The following ANXA7 variants were observed in gnomAD, a reference collection of about 807,000 sequenced individuals.
The protein encoded by ANXA7 is annexin A7.
In ANXA7, 55 loss-of-function variants were observed where a neutral mutation model predicts 64.9. The ratio of observed to expected loss-of-function variants is 0.85; its 90% CI spans 0.68 to 1.06. The LOEUF (loss-of-function observed/expected upper bound fraction) is 1.06. Among genes scored for constraint, ANXA7 ranks in the 50% least tolerant of loss-of-function variants. ANXA7 has a pLI of 0.00. For missense variants in ANXA7, 548 were observed against 582.1 expected, an observed-to-expected ratio of 0.94 and a Z score of 0.60; for synonymous variants, 200 against 192.4, an observed-to-expected ratio of 1.04 and a Z score of -0.33.
At chr10:73,398,066 T>C (rs2055603590) in intron 3 of ANXA7, 115 bp downstream of exon 3, 3 of 1,039,422 alleles carry the variant, frequency 2.9e-6, no homozygotes, top group Non-Finnish European at 4.1e-6. Flanking sequence ...TACCTAAGGT[T>C]ACCTAAGAGC....
At chr10:73,383,373 A>C (rs766317546) in intron 8 of ANXA7, 28 bp from the exon 9 acceptor site, 1 of 1,571,930 alleles carries the variant, frequency 6.4e-7, no homozygotes, top group Non-Finnish European at 8.6e-7. Context: ...AAGATTATAC[A>C]AAGAAAAATG....
chr10:73,412,616 C>G (rs528011379), intron 1 of ANXA7, among the ~76,000 whole-genome samples: 46 of 151,280 alleles, frequency 3.0e-4, no homozygotes, highest in Non-Finnish European at 6.2e-4. Context: ...GCCTCAGCCT[C>G]CAGAGTAGCT....
At chr10:73,407,892 G>A (rs772157544) in intron 1 of ANXA7, among the ~76,000 whole-genome samples, 3 of 152,158 alleles carry the variant, frequency 2.0e-5, no homozygotes, top group Non-Finnish European at 4.4e-5. Context: ...AACTGACCCA[G>A]TCAATTATAA....
intron 12 of ANXA7, chr10:73,377,404 C>T (rs1264696277): frequency 6.6e-6 from 1 of 151,422 alleles, no homozygotes; most frequent in Non-Finnish European, 1.5e-5. Flanking sequence ...CCAGTCTCTA[C>T]TAAAAACACA....
intron 7 of ANXA7, among the ~76,000 whole-genome samples, chr10:73,386,426 G>C (rs1322775937): frequency 6.6e-6 from 1 of 152,092 alleles, no homozygotes; most frequent in Non-Finnish European, 1.5e-5. Context: ...CTCAGTTTTT[G>C]GGGGTGGGCC....
chr10:73,398,833 C>T (rs946192035), intron 2 of ANXA7, among the ~76,000 whole-genome samples: 7 of 152,136 alleles, frequency 4.6e-5, no homozygotes, highest in Non-Finnish European at 2.9e-5. Context: ...CTGTATATCA[C>T]ATCACACACC....
intron 1 of ANXA7, among the ~76,000 whole-genome samples, chr10:73,412,595 G>C (rs1402530498): frequency 6.6e-6 from 1 of 150,674 alleles, no homozygotes; most frequent in Non-Finnish European, 1.5e-5. Flanking sequence ...CCGGGTTCAA[G>C]CGACTCTCCT....
At chr10:73,410,718 G>T (rs1435562608) in intron 1 of ANXA7, among the ~76,000 whole-genome samples, 1 of 151,004 alleles carries the variant, frequency 6.6e-6, no homozygotes, top group Non-Finnish European at 1.5e-5. Flanking sequence ...GGAGGCGGAG[G>T]TTGGGGTGAG....
At chr10:73,400,121 C>A (rs138883974) in intron 2 of ANXA7, among the ~76,000 whole-genome samples, 1 of 151,486 alleles carries the variant, frequency 6.6e-6, no homozygotes, top group South Asian at 2.1e-4. Context: ...CCAGCCTGGG[C>A]GCACAGCGAG....
chr10:73,399,551 A>T (rs1364942132), intron 2 of ANXA7, among the ~76,000 whole-genome samples: 1 of 152,180 alleles, frequency 6.6e-6, no homozygotes, highest in Non-Finnish European at 1.5e-5. Flanking sequence ...GGCTGGGCTA[A>T]GTGGCTCATG....
In ANXA7 at chr10:73,375,560, A is replaced by G. The variant is rs1163742739; in HGVS notation, c.*535T>C. ...ATTTGACCCTTTCTTAAAAGGTGCC[A>G]CAGGTAATACTAATCTATTTTCTAT... is the stretch of plus-strand genomic sequence containing the variant. On this transcript the variant is annotated 3_prime_UTR_variant, in exon 13 of 13. Coordinates refer to ENST00000372921, the MANE Select transcript of ANXA7 (RefSeq NM_001156.5). The G allele has an allele frequency of 6.6e-6, 1 of 152,256 alleles. No homozygotes were observed. The highest frequency in any genetic ancestry group is 1.5e-5 in the Non-Finnish European group (1 of 68,036). The allele number at this position is 152,256 out of a possible 1,614,324, so 9.4% of individuals were successfully genotyped here.
chr10:73,406,698 G>A (rs898473367), intron 1 of ANXA7, among the ~76,000 whole-genome samples: 1 of 151,994 alleles, frequency 6.6e-6, no homozygotes. Flanking sequence ...GTCTCCTGAA[G>A]AGCTAAGACT....
intron 1 of ANXA7, among the ~76,000 whole-genome samples, chr10:73,405,334 G>A (rs1220583325): frequency 2.0e-5 from 3 of 149,874 alleles, no homozygotes; most frequent in African/African-American, 7.4e-5. Context: ...CTGAGGTCAG[G>A]AGTTCGAGAC....
In ANXA7 at chr10:73,397,215, G is replaced by A; in HGVS notation, c.319C>T (p.Gln107Ter). Reference sequence around the variant, plus strand: ...CCTCCATAAGACTGTGAAGGTGGCTGTGGATACCCAGAAAAGCCTGCTCCA... The same window carrying A: ...CCTCCATAAGACTGTGAAGGTGGCTATGGATACCCAGAAAAGCCTGCTCCA... ...PGGAGFSGYP[Q>*]PPSQSYGGGP... Residue 107 changes from glutamine (Q) to a stop codon, truncating the protein, a stop_gained, in exon 4 of 13, where the codon CAG becomes TAG. Transcript: ENST00000372921. LOFTEE classifies it high-confidence loss of function. The A allele has an allele frequency of 6.2e-7, 1 of 1,612,642 alleles. No homozygotes were observed. Among genetic ancestry groups the A allele is most frequent in the Non-Finnish European group, 8.5e-7 (1 of 1,179,144 alleles).
At chr10:73,376,797 G>A (rs994613920) in intron 12 of ANXA7, among the ~76,000 whole-genome samples, 4 of 152,024 alleles carry the variant, frequency 2.6e-5, no homozygotes, top group African/African-American at 4.8e-5. Flanking sequence ...CAAAAGGTGG[G>A]ATACACGTAC....
At position 73,379,861 on chromosome 10, in the gene ANXA7, A is replaced by G. The variant is rs779552706; in HGVS notation, c.1165+18T>C. 5.0e-6 allele frequency: 8 copies of G among 1,611,026 alleles called. No homozygotes were observed. Among genetic ancestry groups the G allele is most frequent in the Non-Finnish European group, 6.8e-6 (8 of 1,177,704 alleles). ...CTCATTTAAAAAGAAAATAAAGCAAAGCACAAAAATATCTTACAGATGGTC... is the reference window on the plus strand; with the variant it reads ...CTCATTTAAAAAGAAAATAAAGCAAGGCACAAAAATATCTTACAGATGGTC... On this transcript the variant is annotated intron_variant, in intron 11 of 12. Transcript: ENST00000372921.
chr10:73,395,827 T>A (rs1174192224), intron 5 of ANXA7: 1 of 643,236 alleles, frequency 1.6e-6, no homozygotes, highest in Non-Finnish European at 2.9e-6. Context: ...AGGGCAAATA[T>A]TTGACATATA....
At position 73,398,172 on chromosome 10, in the gene ANXA7, G is replaced by A. The variant is rs762559871; in HGVS notation, c.259+9C>T. On this transcript the variant is annotated intron_variant, in intron 3 of 12. Coordinates refer to ENST00000372921, the MANE Select transcript of ANXA7 (RefSeq NM_001156.5). ...CCAATCATTACTAATTCCGCAACCCGTAACTCACCTCCGGGATAGGATGGA... is the reference window on the plus strand; with the variant it reads ...CCAATCATTACTAATTCCGCAACCCATAACTCACCTCCGGGATAGGATGGA... 10 of 1,605,562 alleles carry A rather than the reference G, an allele frequency of 6.2e-6. No homozygotes were observed. The highest frequency in any genetic ancestry group is 7.7e-6 in the Non-Finnish European group (9 of 1,174,378).
rs764217197 is a variant in ANXA7 at position 73,380,118 on chromosome 10, T to C, written c.1002A>G (p.Arg334=). The C allele has an allele frequency of 6.2e-7, 1 of 1,614,092 alleles. No homozygotes were observed. The highest frequency in any genetic ancestry group is 1.1e-5 in the South Asian group (1 of 91,082). The change falls in exon 10 of 13, where the codon AGA becomes AGG. Residue 334 remains arginine (R), a synonymous_variant. Transcript: ENST00000372921. The stretch of plus-strand genomic sequence containing the variant: ...TAAAGCAAGATTCATCGGTCCCTAG[T>C]CTCCCCTCACCAGCTTGATAGAGAC... The part of the protein sequence containing the change: ...AQRLYQAGEG[R]LGTDESCFNM...
Sources: allele counts gnomAD v4.1 joint callset (sites outside exome capture counted in the v4.1 genomes callset), GRCh38; gene constraint gnomAD v4.1.1; transcripts MANE v1.5; gene names NCBI Gene and HGNC (gene_info 2026-07-23, HGNC 2026-07-21).